Variants in AHDC1 observed in about 807,000 individuals in gnomAD.
AHDC1 encodes the protein AT-hook DNA binding motif containing 1, also known as transcription factor Gibbin.
In AHDC1, 7 loss-of-function variants were observed where a neutral mutation model predicts 87.9. The observed-to-expected ratio is 0.08, with a 90% CI of 0.05 to 0.15. AHDC1 has a LOEUF of 0.15. Among genes scored for constraint, AHDC1 ranks in the 10% least tolerant of loss-of-function variants. AHDC1 has a pLI of 1.00. For missense variants in AHDC1, 1,841 were observed against 2,253.2 expected (o/e 0.82, Z 3.70); for synonymous variants, 1,051 against 1,006.8 (o/e 1.04, Z -0.83).
At chr1:27,569,857 G>C (rs1571290962) in intron 3 of AHDC1, among the ~76,000 whole-genome samples, 1 of 152,074 alleles carries the variant, frequency 6.6e-6, no homozygotes, top group Non-Finnish European at 1.5e-5. Flanking sequence ...CTGAGAACAA[G>C]TAGAAACAAA....
Position 27,548,381 on chromosome 1 carries a change from T to A in AHDC1, c.3735A>T (p.Ser1245=). 6.2e-7 allele frequency: 1 copy of A among 1,607,386 alleles called. No homozygotes were observed. The highest frequency in any genetic ancestry group is 8.5e-7 in the Non-Finnish European group (1 of 1,174,944). Reference sequence around the variant, plus strand: ...AGGCGGATGTCGGGAAGCCCAGATGTGAGGCCTCGAACAGGTCCACCTTCT... The same window carrying A: ...AGGCGGATGTCGGGAAGCCCAGATGAGAGGCCTCGAACAGGTCCACCTTCT... ...RRKKVDLFEA[S]HLGFPTSASA... Residue 1245 remains serine (S), a synonymous_variant, in exon 8 of 9, where the codon TCA becomes TCT. Coordinates refer to ENST00000673934, the MANE Select transcript of AHDC1 (RefSeq NM_001371928.1).
intron 8 of AHDC1, among the ~76,000 whole-genome samples, chr1:27,539,977 C>T (rs1280589345): frequency 6.6e-6 from 1 of 152,138 alleles, no homozygotes; most frequent in Admixed American, 6.5e-5. Flanking sequence ...CTCTCTCTCT[C>T]TCTCTCCCCC....
intron 3 of AHDC1, among the ~76,000 whole-genome samples, chr1:27,584,210 G>A (rs2148448500): frequency 6.6e-6 from 1 of 152,286 alleles, no homozygotes; most frequent in South Asian, 2.1e-4. Flanking sequence ...AAGTCGGGAC[G>A]CTCACTGCCC....
At chr1:27,559,885 T>C (rs1314529067) in intron 3 of AHDC1, among the ~76,000 whole-genome samples, 1 of 152,202 alleles carries the variant, frequency 6.6e-6, no homozygotes, top group Admixed American at 6.5e-5. Flanking sequence ...CCTGGGAGTT[T>C]GTATGCGTGT....
At position 27,548,966 on chromosome 1, in the gene AHDC1, G is replaced by A. The variant is rs764270642; in HGVS notation, c.3150C>T (p.Ala1050=). The A allele has an allele frequency of 3.2e-6, 5 of 1,567,642 alleles. No individual in the cohort carries two copies. In the Admixed American group the frequency reaches 5.7e-5, roughly 18 times the overall value. Reference sequence around the variant, plus strand: ...GGCTGTCACAGCGCAGGGGCGTGGGGGCTGAACCAGAGAAGGGGGCCCCCT... The same window carrying A: ...GGCTGTCACAGCGCAGGGGCGTGGGAGCTGAACCAGAGAAGGGGGCCCCCT... ...SSEGAPFSGS[A]PTPLRCDSRA... The change falls in exon 8 of 9, where the codon GCC becomes GCT. Residue 1050 remains alanine, a synonymous_variant. Coordinates refer to ENST00000673934, the MANE Select transcript of AHDC1 (RefSeq NM_001371928.1).
At position 27,549,244 on chromosome 1, in the gene AHDC1, G is replaced by T. The variant is rs1359664982; in HGVS notation, c.2872C>A (p.Pro958Thr). Residue 958 changes from proline to threonine, a missense_variant, in exon 8 of 9, where the codon CCT becomes ACT. By Grantham distance (38) the Pro-to-Thr change is conservative. Coordinates refer to ENST00000673934, the MANE Select transcript of AHDC1 (RefSeq NM_001371928.1). ...VPPPSAMARSPTTHPPANTYL... is the reference protein window; with the variant it reads ...VPPPSAMARSTTTHPPANTYL... ...GTGTTGGCAGGCGGGTGGGTGGTAGGTGAGCGGGCCATGGCTGAGGGCGGG... is the reference window on the plus strand; with the variant it reads ...GTGTTGGCAGGCGGGTGGGTGGTAGTTGAGCGGGCCATGGCTGAGGGCGGG... 5.6e-6 allele frequency: 9 copies of T among 1,604,824 alleles called. No individual in the cohort carries two copies. Among genetic ancestry groups the T allele is most frequent in the Non-Finnish European group, 6.8e-6 (8 of 1,174,616 alleles).
At chr1:27,594,822 G>A (rs2089322353) in intron 3 of AHDC1, among the ~76,000 whole-genome samples, 1 of 152,150 alleles carries the variant, frequency 6.6e-6, no homozygotes, top group Admixed American at 6.5e-5. Context: ...GATTAGGCGG[G>A]GTATGTGACA....
intron 3 of AHDC1, among the ~76,000 whole-genome samples, chr1:27,599,459 C>T (rs1005978565): frequency 5.9e-5 from 9 of 152,156 alleles, no homozygotes; most frequent in African/African-American, 1.4e-4. Context: ...CCCCAGGCTC[C>T]GGCCCCCTCC....
Position 27,550,999 on chromosome 1 carries a change from G to T in AHDC1, c.1117C>A (p.Pro373Thr). 5.1e-6 allele frequency: 8 copies of T among 1,574,746 alleles called. No homozygotes were observed. Among genetic ancestry groups the T allele is most frequent in the Non-Finnish European group, 6.9e-6 (8 of 1,167,314 alleles). Reference sequence around the variant, plus strand: ...TTGGGGTGACCCTCAGGCCCGGGGGGGCCGTGCGGTGAGCACAAGTCCAGG... The same window carrying T: ...TTGGGGTGACCCTCAGGCCCGGGGGTGCCGTGCGGTGAGCACAAGTCCAGG... ...LRLDLCSPHGPPGPEGHPKYA... is the reference protein window; with the variant it reads ...LRLDLCSPHGTPGPEGHPKYA... Residue 373 changes from proline (P) to threonine (T), a missense_variant, in exon 8 of 9, where the codon CCC becomes ACC. This residue lies in a region of AHDC1 where 370 missense variants were observed against 391.5 expected (regional missense o/e 0.95). Coordinates refer to ENST00000673934, the MANE Select transcript of AHDC1 (RefSeq NM_001371928.1).
intron 3 of AHDC1, among the ~76,000 whole-genome samples, chr1:27,600,962 G>A (rs1432128561): frequency 6.6e-6 from 1 of 152,166 alleles, no homozygotes; most frequent in Admixed American, 6.5e-5. Flanking sequence ...TTGAAACTGA[G>A]AAGCTATGCT....
At chr1:27,546,138 T>G (rs925855849) in intron 8 of AHDC1, among the ~76,000 whole-genome samples, 2 of 151,954 alleles carry the variant, frequency 1.3e-5, no homozygotes, top group Non-Finnish European at 2.9e-5. Context: ...GCAGCAGAGG[T>G]GAAGGGTGAG....
chr1:27,556,042 C>G (rs1381555828), intron 5 of AHDC1, among the ~76,000 whole-genome samples: 1 of 152,204 alleles, frequency 6.6e-6, no homozygotes. Context: ...GTACTTCTGT[C>G]TGCCTGTCTG....
chr1:27,582,148 T>C (rs1005395115), intron 3 of AHDC1, among the ~76,000 whole-genome samples: 2 of 152,228 alleles, frequency 1.3e-5, no homozygotes, highest in African/African-American at 4.8e-5. Context: ...ACCTCGGCAC[T>C]GCCCACACCC....
At chr1:27,587,468 GCTCCTTCCCCAACTT>G (rs1242160109) in intron 3 of AHDC1, among the ~76,000 whole-genome samples, 1 of 152,150 alleles carries the variant, frequency 6.6e-6, no homozygotes, top group Non-Finnish European at 1.5e-5. Context: ...TTGCTTGGAA[GCTCCTTCCCCAACTT>G]CTCCCTGCCC....
chr1:27,586,826 C>T (rs1163914919), intron 3 of AHDC1, among the ~76,000 whole-genome samples: 4 of 152,174 alleles, frequency 2.6e-5, no homozygotes, highest in Non-Finnish European at 5.9e-5. Flanking sequence ...CCCTCTAGGT[C>T]GGGGGGTTGG....
rs774732788 is a variant in AHDC1 at position 27,550,696 on chromosome 1, T to G, written c.1420A>C (p.Met474Leu). 1.9e-6 allele frequency: 3 copies of G among 1,611,262 alleles called. No individual in the cohort carries two copies. Among genetic ancestry groups the G allele is most frequent in the Non-Finnish European group, 2.5e-6 (3 of 1,179,098 alleles). The change falls in exon 8 of 9, where the codon ATG (methionine) becomes CTG (leucine). Residue 474 changes from methionine (M) to leucine (L), a missense_variant. Coordinates refer to ENST00000673934, the MANE Select transcript of AHDC1 (RefSeq NM_001371928.1). ...RKGKCRGVRR[M>L]VVKMAKIPVS... ...GGGATCTTGGCCATCTTCACCACCATGCGCCGCACGCCCCGGCACTTGCCT... is the reference window on the plus strand; with the variant it reads ...GGGATCTTGGCCATCTTCACCACCAGGCGCCGCACGCCCCGGCACTTGCCT...
At chr1:27,586,673 G>A (rs576316098) in intron 3 of AHDC1, among the ~76,000 whole-genome samples, 5 of 152,034 alleles carry the variant, frequency 3.3e-5, no homozygotes, top group Admixed American at 6.6e-5. Flanking sequence ...CACAACTCCC[G>A]GCAACCCCAA....
chr1:27,599,354 C>T (rs1030395302), intron 3 of AHDC1, among the ~76,000 whole-genome samples: 1 of 152,132 alleles, frequency 6.6e-6, no homozygotes, highest in African/African-American at 2.4e-5. Context: ...TGTTTCCCCT[C>T]CTCTCTCGCC....
chr1:27,569,567 T>C (rs921935976), intron 3 of AHDC1, among the ~76,000 whole-genome samples: 2 of 152,142 alleles, frequency 1.3e-5, no homozygotes, highest in African/African-American at 2.4e-5. Flanking sequence ...TGTCACAGTC[T>C]AGTACCAGGC....
Sources: allele counts gnomAD v4.1 joint callset (sites outside exome capture counted in the v4.1 genomes callset), GRCh38; gene constraint gnomAD v4.1.1; regional missense constraint gnomAD v4.1.1; transcripts MANE v1.5; gene names NCBI Gene and HGNC (gene_info 2026-07-23, HGNC 2026-07-21).